MMP26: variants seen among roughly 807,000 people sequenced by gnomAD.
MMP26 encodes matrix metalloproteinase-26.
MMP26 carries 33 observed loss-of-function variants against 31.0 expected under a neutral mutation model. The ratio of observed to expected loss-of-function variants is 1.06; its 90% CI spans 0.81 to 1.42. The LOEUF (loss-of-function observed/expected upper bound fraction) is 1.42, where lower values mean the gene tolerates loss of function less well. MMP26 is among the 40% of genes most tolerant of loss of function. The probability of loss-of-function intolerance (pLI) is 0.00; values close to 1 mark genes in which losing one functional copy is unlikely to be tolerated. For missense variants in MMP26, 347 were observed against 316.1 expected (o/e 1.10, Z -0.74); for synonymous variants, 122 against 114.9 (o/e 1.06, Z -0.40).
chr11:4,928,356 C>T (rs1851301846), intron 2 of MMP26, among the ~76,000 whole-genome samples: 1 of 152,086 alleles, frequency 6.6e-6, no homozygotes, highest in African/African-American at 2.4e-5. Flanking sequence ...CCACAATACA[C>T]ATGTAGTTTG....
chr11:4,863,008 C>T (rs572256749), intron 2 of MMP26, among the ~76,000 whole-genome samples: 1 of 152,110 alleles, frequency 6.6e-6, no homozygotes, highest in Non-Finnish European at 1.5e-5. Flanking sequence ...TTCTGTATCC[C>T]CAGCAATTCT....
At chr11:4,871,684 C>T (rs1589925302) in intron 2 of MMP26, 1 of 152,238 alleles carries the variant, frequency 6.6e-6, no homozygotes, top group Admixed American at 6.6e-5. Flanking sequence ...TTTAAATCTC[C>T]GTGCTGCTGT....
intron 2 of MMP26, among the ~76,000 whole-genome samples, chr11:4,852,067 G>T (rs1849983446): frequency 6.6e-6 from 1 of 151,976 alleles, no homozygotes; most frequent in Non-Finnish European, 1.5e-5. Context: ...TAGATTCAAA[G>T]AAGTAAATAG....
At chr11:4,916,160 A>C (rs1205129192) in intron 2 of MMP26, among the ~76,000 whole-genome samples, 2 of 151,682 alleles carry the variant, frequency 1.3e-5, no homozygotes, top group Non-Finnish European at 2.9e-5. Flanking sequence ...CTACTAAAAA[A>C]AAAAAATGGT....
intron 2 of MMP26, among the ~76,000 whole-genome samples, chr11:4,874,880 G>A (rs967627501): frequency 2.0e-5 from 3 of 152,020 alleles, no homozygotes; most frequent in Non-Finnish European, 4.4e-5. Flanking sequence ...ATTTAACTAC[G>A]CCTTACTTGG....
chr11:4,983,699 T>C (rs1226738692), intron 2 of MMP26, among the ~76,000 whole-genome samples: 3 of 152,170 alleles, frequency 2.0e-5, no homozygotes, highest in Non-Finnish European at 4.4e-5. Flanking sequence ...ATATATAAAA[T>C]CTGGTATCCA....
chr11:4,773,944 C>T (rs1273630671), intron 2 of MMP26, among the ~76,000 whole-genome samples: 1 of 152,100 alleles, frequency 6.6e-6, no homozygotes, highest in Admixed American at 6.6e-5. Flanking sequence ...CCAGCCTCAT[C>T]CATGTCCCTG....
chr11:4,972,483 T>C (rs1413768528), intron 2 of MMP26, among the ~76,000 whole-genome samples: 1 of 152,210 alleles, frequency 6.6e-6, no homozygotes, highest in Non-Finnish European at 1.5e-5. Context: ...AATAGTTTCA[T>C]GTTCAAGAGT....
At chr11:4,942,561 G>A (rs2605300) in intron 2 of MMP26, among the ~76,000 whole-genome samples, 105,277 of 152,000 alleles carry the variant, frequency 0.69, 36,838 homozygotes, top group East Asian at 0.9. Flanking sequence ...CTATTCCTTG[G>A]TTTCTAAAAA....
chr11:4,859,952 C>G, intron 2 of MMP26: 1 of 471,008 alleles, frequency 2.1e-6, no homozygotes, highest in South Asian at 1.5e-5. Context: ...GTGAAGATGA[C>G]GACGATGAGG....
In MMP26 at chr11:4,988,270, T is replaced by C. The variant is rs1480655134; in HGVS notation, c.59T>C (p.Val20Ala). Reference sequence around the variant, plus strand: ...TTGCCCTGGTGTTTCGCCGTTCCAGTGCCCCCTGCTGCAGACCATAAAGGA... The same window carrying C: ...TTGCCCTGGTGTTTCGCCGTTCCAGCGCCCCCTGCTGCAGACCATAAAGGA... ...IFLPWCFAVPVPPAADHKGWD... is the reference protein window; with the variant it reads ...IFLPWCFAVPAPPAADHKGWD... Residue 20 changes from valine to alanine, a missense_variant, in exon 3 of 8, where the codon GTG becomes GCG. Physicochemically the swap from Val to Ala is moderately conservative, Grantham distance 64 (BLOSUM62 0). Transcript: ENST00000380390. 1 of 1,614,098 alleles carries C rather than the reference T, an allele frequency of 6.2e-7. No homozygotes were observed. Among genetic ancestry groups the C allele is most frequent in the Non-Finnish European group, 8.5e-7 (1 of 1,180,018 alleles).
intron 2 of MMP26, chr11:4,821,784 C>T (rs1849506407): frequency 6.2e-7 from 1 of 1,613,198 alleles, no homozygotes; most frequent in Admixed American, 1.7e-5. Flanking sequence ...TGGCCATGGC[C>T]TTTGATCGTT....
At chr11:4,968,400 C>G (rs1231515238) in intron 2 of MMP26, among the ~76,000 whole-genome samples, 1 of 151,596 alleles carries the variant, frequency 6.6e-6, no homozygotes, top group Non-Finnish European at 1.5e-5. Flanking sequence ...TTTCAGAGGC[C>G]CTCTGGGAAA....
chr11:4,819,363 A>T (rs1043061692), intron 2 of MMP26, among the ~76,000 whole-genome samples: 7 of 152,076 alleles, frequency 4.6e-5, no homozygotes, highest in Non-Finnish European at 1.0e-4. Context: ...AAGAATGCCA[A>T]ATATAAGGTT....
intron 1 of MMP26, among the ~76,000 whole-genome samples, chr11:4,705,534 G>A (rs1847763861): frequency 6.6e-6 from 1 of 152,204 alleles, no homozygotes; most frequent in African/African-American, 2.4e-5. Flanking sequence ...TGGTAGTCTG[G>A]TAATAGGGAT....
chr11:4,915,257 T>C (rs1385941076), intron 2 of MMP26: 2 of 1,613,862 alleles, frequency 1.2e-6, no homozygotes, highest in South Asian at 2.2e-5. Flanking sequence ...GGAAACATAG[T>C]GCAAGGGGTG....
chr11:4,754,112 T>TTC (rs1385481206), intron 1 of MMP26, among the ~76,000 whole-genome samples: 1 of 151,670 alleles, frequency 6.6e-6, no homozygotes, highest in Non-Finnish European at 1.5e-5. Context: ...TTTTTTTTTT[T>TTC]TACAGATGCA....
chr11:4,955,014 C>T (rs1465407361), intron 2 of MMP26: 3 of 1,397,474 alleles, frequency 2.1e-6, no homozygotes, highest in Admixed American at 2.1e-5. Flanking sequence ...TTAAGCTCCT[C>T]CTTTTTGGAT....
At chr11:4,709,870 G>A (rs1162159246) in intron 1 of MMP26, 1 of 456,896 alleles carries the variant, frequency 2.2e-6, no homozygotes, top group East Asian at 7.0e-5. Context: ...GCCTGCATTG[G>A]CCAAATGTTC....
Sources: allele counts gnomAD v4.1 joint callset (sites outside exome capture counted in the v4.1 genomes callset), GRCh38; gene constraint gnomAD v4.1.1; transcripts MANE v1.5; gene names NCBI Gene and HGNC (gene_info 2026-07-23, HGNC 2026-07-21).